Variants in ITGA6 observed in about 807,000 individuals in gnomAD.
ITGA6 encodes integrin alpha-6.
ITGA6 carries 63 observed loss-of-function variants against 133.6 expected under a neutral mutation model. The ratio of observed to expected loss-of-function variants is 0.47; its 90% confidence interval spans 0.38 to 0.58. The LOEUF (loss-of-function observed/expected upper bound fraction) is 0.58, where lower values mean the gene tolerates loss of function less well. Among genes scored for constraint, ITGA6 ranks in the 20% least tolerant of loss-of-function variants. The pLI, the probability that ITGA6 is intolerant of heterozygous loss-of-function variation, is 0.00. For synonymous variants in ITGA6, 434 were observed against 482.0 expected (o/e 0.90, Z 1.30); for missense variants, 1,068 against 1,309.4 (o/e 0.82, Z 2.85).
chr2:172,484,857 AAGGTTCTGAGCCCAAATATACTC>A lies in ITGA6; in HGVS notation c.1627_1649del (p.Gly543ArgfsTer22). The stretch of plus-strand genomic sequence containing the variant: ...TCCTCAAGAGTTCAGTTTCGAAACC[AAGGTTCTGAGCCCAAATATACTC>A]AAGAACTAACTCTGAAGAGGCAGAA... On this transcript the variant is annotated frameshift_variant, in exon 12 of 26. Transcript: ENST00000684293. LOFTEE classifies it high-confidence loss of function. 1 of 1,614,158 alleles carries A rather than the reference AAGGTTCTGAGCCCAAATATACTC, an allele frequency of 6.2e-7. No individual in the cohort carries two copies. Among genetic ancestry groups the A allele is most frequent in the Non-Finnish European group, 8.5e-7 (1 of 1,179,980 alleles).
At chr2:172,468,929 CTA>C in intron 3 of ITGA6, 194 bp from the exon 4 acceptor site, 1 of 598,008 alleles carries the variant, frequency 1.7e-6, no homozygotes. Flanking sequence ...ATTCTAGTTT[CTA>C]TATGTCTTCA....
Position 172,465,520 on chromosome 2 carries a change from G to A in ITGA6, c.183-19G>A, listed in dbSNP as rs1685620222. On this transcript the variant is annotated intron_variant, in intron 1 of 25. Coordinates refer to ENST00000684293, the MANE Select transcript of ITGA6 (RefSeq NM_000210.4). ...TATATTAAATTCAAATCTCCAAATTGTCTCTGTTTCATCAACAGGTTGCTC... is the reference window on the plus strand; with the variant it reads ...TATATTAAATTCAAATCTCCAAATTATCTCTGTTTCATCAACAGGTTGCTC... 6.2e-7 allele frequency: 1 copy of A among 1,613,874 alleles called. No individual in the cohort carries two copies. Among genetic ancestry groups the A allele is most frequent in the Non-Finnish European group, 8.5e-7 (1 of 1,179,952 alleles).
chr2:172,482,990 T>C (rs1218300380), intron 11 of ITGA6, among the ~76,000 whole-genome samples: 2 of 152,206 alleles, frequency 1.3e-5, no homozygotes, highest in Non-Finnish European at 1.5e-5. Context: ...GGAATAAGAC[T>C]GATGTGATCC....
intron 11 of ITGA6, among the ~76,000 whole-genome samples, chr2:172,482,866 G>A (rs888406067): frequency 9.9e-6 from 1 of 100,914 alleles, no homozygotes; most frequent in Non-Finnish European, 1.9e-5. Flanking sequence ...ATGTCACATC[G>A]TGTGTGTGCG....
At chr2:172,464,544 A>G (rs1157431925) in intron 1 of ITGA6, 1 of 152,254 alleles carries the variant, frequency 6.6e-6, no homozygotes, top group Non-Finnish European at 1.5e-5. Context: ...TAGTTGTTCC[A>G]TGAGTCAGCC....
intron 1 of ITGA6, among the ~76,000 whole-genome samples, chr2:172,462,593 C>G (rs1479658290): frequency 1.3e-5 from 2 of 152,186 alleles, no homozygotes; most frequent in Non-Finnish European, 2.9e-5. Flanking sequence ...ACCACAGCCC[C>G]TGTAACCAGC....
intron 25 of ITGA6, among the ~76,000 whole-genome samples, chr2:172,502,748 T>TG (rs1278118024): frequency 6.6e-6 from 1 of 152,248 alleles, no homozygotes; most frequent in Admixed American, 6.5e-5. Context: ...TTCTCTTATT[T>TG]GGAAATACAT....
At chr2:172,446,964 C>G (rs1245911950) in intron 1 of ITGA6, among the ~76,000 whole-genome samples, 1 of 152,162 alleles carries the variant, frequency 6.6e-6, no homozygotes, top group Non-Finnish European at 1.5e-5. Flanking sequence ...GTGGCGCAAT[C>G]TTGGCTTAGT....
rs745729558 is a variant in ITGA6, at chr2:172,469,369, A to G, written c.632A>G (p.Tyr211Cys). The G allele has an allele frequency of 5.0e-6, 8 of 1,613,876 alleles. No homozygotes were observed. The highest frequency in any genetic ancestry group is 3.3e-4 in the Middle Eastern group (2 of 6,058). ...ATTGTATTTGGAGCCCCGGGTACTTATAACTGGAAAGGTATGACCTTTGTA... is the reference window on the plus strand; with the variant it reads ...ATTGTATTTGGAGCCCCGGGTACTTGTAACTGGAAAGGTATGACCTTTGTA... ...HYIVFGAPGT[Y>C]NWKGIVRVEQ... The change falls in exon 4 of 26, where the codon TAT becomes TGT. Residue 211 changes from tyrosine to cysteine, a missense_variant. Physicochemically the swap from Tyr to Cys is radical, Grantham distance 194. This residue lies in a region of ITGA6 where 317 missense variants were observed against 456.9 expected (regional missense o/e 0.69). Transcript: ENST00000684293.
intron 23 of ITGA6, among the ~76,000 whole-genome samples, chr2:172,497,000 T>C (rs1386318339): frequency 1.3e-5 from 2 of 152,226 alleles, no homozygotes; most frequent in African/African-American, 4.8e-5. Context: ...ATATACCTTT[T>C]TGTAGAAGAT....
intron 1 of ITGA6, among the ~76,000 whole-genome samples, chr2:172,433,899 T>A (rs1206714969): frequency 6.6e-6 from 1 of 152,112 alleles, no homozygotes; most frequent in Non-Finnish European, 1.5e-5. Flanking sequence ...TGCATAGACA[T>A]GACGGGGCAG....
intron 1 of ITGA6, among the ~76,000 whole-genome samples, chr2:172,452,087 A>G (rs558343039): frequency 2.8e-4 from 42 of 152,202 alleles, no homozygotes; most frequent in Middle Eastern, 6.8e-3. Flanking sequence ...GTAATGAAAT[A>G]TGGTTTTGGA....
At chr2:172,455,314 C>T (rs1574344268) in intron 1 of ITGA6, among the ~76,000 whole-genome samples, 1 of 152,330 alleles carries the variant, frequency 6.6e-6, no homozygotes, top group Middle Eastern at 3.4e-3. Flanking sequence ...GTGGCTCTTA[C>T]TAATAATGCC....
intron 1 of ITGA6, among the ~76,000 whole-genome samples, chr2:172,461,972 A>T (rs545445823): frequency 5.3e-5 from 8 of 152,220 alleles, no homozygotes; most frequent in Non-Finnish European, 1.2e-4. Context: ...TGCTAGGCAC[A>T]GCCTCAGCTA....
At chr2:172,441,639 G>A (rs575695203) in intron 1 of ITGA6, among the ~76,000 whole-genome samples, 5 of 144,240 alleles carry the variant, frequency 3.5e-5, no homozygotes, top group African/African-American at 1.3e-4. Context: ...ATCTGTGAAC[G>A]AGAGTAGACA....
chr2:172,444,963 TTTTG>T (rs142858678), intron 1 of ITGA6, among the ~76,000 whole-genome samples: 26,774 of 147,280 alleles, frequency 0.18, 3,834 homozygotes, highest in East Asian at 0.81. Flanking sequence ...TTTCTGTAGG[TTTTG>T]TTTGTTTTGT....
intron 1 of ITGA6, among the ~76,000 whole-genome samples, chr2:172,430,545 G>T (rs775158018): frequency 6.6e-6 from 1 of 152,182 alleles, no homozygotes; most frequent in Non-Finnish European, 1.5e-5. Flanking sequence ...ATAAAAGCAC[G>T]ATCATAGAAG....
In ITGA6 at chr2:172,487,770, G is replaced by C. The variant is rs1244682736; in HGVS notation, c.2287G>C (p.Asp763His). Residue 763 changes from aspartate to histidine, a missense_variant, in exon 17 of 26, where the codon GAC becomes CAC. Coordinates refer to ENST00000684293, the MANE Select transcript of ITGA6 (RefSeq NM_000210.4). ...TTTAAGTACAACTGAAGTCACCTTT[G>C]ACACCCCAGATCTGGATATTAATCT... ...LVLSTTEVTF[D>H]TPDLDINLKL... 1.2e-6 allele frequency: 2 copies of C among 1,612,326 alleles called. No homozygotes were observed. Among genetic ancestry groups the C allele is most frequent in the South Asian group, 1.1e-5 (1 of 91,014 alleles).
chr2:172,461,851 G>A (rs955477343), intron 1 of ITGA6, among the ~76,000 whole-genome samples: 3 of 152,154 alleles, frequency 2.0e-5, no homozygotes, highest in Non-Finnish European at 2.9e-5. Context: ...ACCATGTCCT[G>A]AACAGCTTAG....
Sources: allele counts gnomAD v4.1 joint callset (sites outside exome capture counted in the v4.1 genomes callset), GRCh38; gene constraint gnomAD v4.1.1; regional missense constraint gnomAD v4.1.1; transcripts MANE v1.5; gene names NCBI Gene and HGNC (gene_info 2026-07-23, HGNC 2026-07-21).